Variants in IL19 observed in about 807,000 individuals in gnomAD.
IL19 encodes the protein interleukin 19.
A neutral mutation model predicts 19.5 loss-of-function variants in IL19; 15 were observed. The ratio of observed to expected loss-of-function variants is 0.77; its 90% CI spans 0.52 to 1.19. The LOEUF is 1.19. Among genes scored for constraint, IL19 ranks in the 50% most tolerant of loss-of-function variants. The probability of loss-of-function intolerance (pLI) is 0.00; values close to 1 mark genes in which losing one functional copy is unlikely to be tolerated. For missense variants in IL19, 199 were observed against 213.1 expected (o/e 0.93, Z 0.41); for synonymous variants, 78 against 78.3 (o/e 1.00, Z 0.02).
At chr1:206,838,348 G>T (rs1366150725) in intron 4 of IL19, among the ~76,000 whole-genome samples, 1 of 152,186 alleles carries the variant, frequency 6.6e-6, no homozygotes, top group Admixed American at 6.5e-5. Flanking sequence ...AGAGTGTAAG[G>T]TATATTTGTA....
chr1:206,787,245 T>C (rs1675289143), intron 1 of IL19, among the ~76,000 whole-genome samples: 1 of 152,236 alleles, frequency 6.6e-6, no homozygotes, highest in African/African-American at 2.4e-5. Flanking sequence ...TCCATGAGCC[T>C]TCCTTTAACA....
chr1:206,808,504 T>A (rs76033614), intron 2 of IL19, among the ~76,000 whole-genome samples: 1 of 72,504 alleles, frequency 1.4e-5, no homozygotes, highest in Admixed American at 1.2e-4. Flanking sequence ...TGTGTGCGTG[T>A]GTGTGTGTGT....
intron 2 of IL19, among the ~76,000 whole-genome samples, chr1:206,824,555 C>G (rs1676381881): frequency 6.6e-6 from 1 of 152,124 alleles, no homozygotes; most frequent in African/African-American, 2.4e-5. Flanking sequence ...CTGTCTGTTC[C>G]TCATTTGCCA....
chr1:206,792,461 G>A (rs1000538668), intron 1 of IL19, among the ~76,000 whole-genome samples: 5 of 151,822 alleles, frequency 3.3e-5, no homozygotes, highest in South Asian at 2.1e-4. Flanking sequence ...CCCCCACCCC[G>A]CCTTTTTTTT....
intron 1 of IL19, among the ~76,000 whole-genome samples, chr1:206,795,969 T>TTATAAGG (rs1675513274): frequency 7.7e-6 from 1 of 130,138 alleles, no homozygotes; most frequent in African/African-American, 2.9e-5. Flanking sequence ...GTATGATTTA[T>TTATAAGG]TATAAGGTAT....
At chr1:206,838,762 TTCCCTTCCCTTC>T (rs1558623837) in intron 4 of IL19, among the ~76,000 whole-genome samples, 7 of 146,888 alleles carry the variant, frequency 4.8e-5, no homozygotes, top group African/African-American at 1.7e-4. Flanking sequence ...TTCCCTTCCC[TTCCCTTCCCTTC>T]CCTTCCCTTC....
intron 2 of IL19, among the ~76,000 whole-genome samples, chr1:206,808,417 C>A (rs1335179594): frequency 1.3e-5 from 2 of 151,970 alleles, no homozygotes; most frequent in Non-Finnish European, 2.9e-5. Context: ...TAGAATTAAC[C>A]GTGCATGTAG....
At chr1:206,808,062 A>C (rs1339271711) in intron 2 of IL19, among the ~76,000 whole-genome samples, 1 of 152,210 alleles carries the variant, frequency 6.6e-6, no homozygotes, top group African/African-American at 2.4e-5. Flanking sequence ...CAGGTGTGGC[A>C]GCTCATGCCT....
chr1:206,804,722 T>C (rs1336317718), intron 2 of IL19, among the ~76,000 whole-genome samples: 1 of 152,228 alleles, frequency 6.6e-6, no homozygotes, highest in Non-Finnish European at 1.5e-5. Flanking sequence ...CACCTCAGCC[T>C]GTTTCCTCAA....
chr1:206,804,141 A>T (rs892236902), intron 2 of IL19, among the ~76,000 whole-genome samples: 2 of 152,172 alleles, frequency 1.3e-5, no homozygotes, highest in African/African-American at 2.4e-5. Context: ...TGTAAATTCC[A>T]GGAGGGCTTC....
At chr1:206,840,053 G>A (rs1287387457) in intron 5 of IL19, 51 bp downstream of exon 5, 9 of 1,608,658 alleles carry the variant, frequency 5.6e-6, no homozygotes, top group Admixed American at 1.7e-5. Flanking sequence ...TGCCCAAGGA[G>A]AGGCCAGGAA....
At chr1:206,772,634 T>G in intron 1 of IL19, 3 of 594,576 alleles carry the variant, frequency 5.0e-6, no homozygotes, top group Non-Finnish European at 5.9e-6. Context: ...TCTAATAAAC[T>G]TAGTTTTCAA....
At chr1:206,775,453 C>G (rs1674969412) in intron 1 of IL19, among the ~76,000 whole-genome samples, 1 of 152,198 alleles carries the variant, frequency 6.6e-6, no homozygotes, top group Non-Finnish European at 1.5e-5. Context: ...TTACTGTCCA[C>G]TCTCATTTCA....
intron 2 of IL19, chr1:206,833,723 C>T (rs1395647182): frequency 9.8e-5 from 96 of 983,408 alleles, no homozygotes; most frequent in Non-Finnish European, 1.1e-4. Context: ...GTCTCATTTT[C>T]TCTCTCTCTG....
intron 1 of IL19, among the ~76,000 whole-genome samples, chr1:206,789,533 T>C (rs1308609975): frequency 6.6e-6 from 1 of 152,242 alleles, no homozygotes; most frequent in Admixed American, 6.5e-5. Flanking sequence ...TTTTTATGGC[T>C]GAGTGGTACT....
At chr1:206,805,399 T>A (rs1360636487) in intron 2 of IL19, among the ~76,000 whole-genome samples, 6 of 152,200 alleles carry the variant, frequency 3.9e-5, no homozygotes, top group Non-Finnish European at 8.8e-5. Flanking sequence ...AATAATAACC[T>A]CATTCACTTT....
chr1:206,788,736 A>G (rs1675321575), intron 1 of IL19, among the ~76,000 whole-genome samples: 1 of 152,212 alleles, frequency 6.6e-6, no homozygotes, highest in Non-Finnish European at 1.5e-5. Flanking sequence ...GGTTTTCACC[A>G]TCTCCAGAAT....
At chr1:206,840,394 T>C (rs575320626) in intron 5 of IL19, 23 of 322,408 alleles carry the variant, frequency 7.1e-5, no homozygotes, top group East Asian at 6.5e-4. Flanking sequence ...TAAAGGTTAC[T>C]TAGAAATTCA....
At chr1:206,795,961 A>G (rs200558135) in intron 1 of IL19, among the ~76,000 whole-genome samples, 27 of 104,466 alleles carry the variant, frequency 2.6e-4, no homozygotes, top group Admixed American at 6.8e-4. Flanking sequence ...GTGTGTGTGT[A>G]TGATTTATTA....
Sources: gnomAD v4.1 joint callset for allele counts (sites outside exome capture counted in the v4.1 genomes callset) on GRCh38, gnomAD v4.1.1 for gene constraint, MANE v1.5 for transcripts, NCBI Gene and HGNC (gene_info 2026-07-23, HGNC 2026-07-21) for gene names.